Variants in KAZN observed in about 807,000 individuals in gnomAD.
KAZN encodes the protein kazrin.
In KAZN, 40 loss-of-function variants were observed where a neutral mutation model predicts 87.4. The observed-to-expected ratio is 0.46, with a 90% CI of 0.36 to 0.60. The LOEUF is 0.60. Ranked by LOEUF, KAZN falls within the 20% of genes least tolerant of loss-of-function variation. The pLI, the probability that KAZN is intolerant of heterozygous loss-of-function variation, is 0.00. For missense variants in KAZN, 898 were observed against 1,073.9 expected (o/e 0.84, Z 2.29); for synonymous variants, 466 against 458.3 (o/e 1.02, Z -0.22).
chr1:14,627,350 G>A (rs1364047142), intron 1 of KAZN, among the ~76,000 whole-genome samples: 1 of 152,058 alleles, frequency 6.6e-6, no homozygotes, highest in Non-Finnish European at 1.5e-5. Context: ...CTGGGGCCCA[G>A]CAAGTCGCCC....
At chr1:14,222,796 A>G (rs1571061259) in intron 2 of KAZN, among the ~76,000 whole-genome samples, 1 of 152,202 alleles carries the variant, frequency 6.6e-6, no homozygotes, top group African/African-American at 2.4e-5. Flanking sequence ...CTTTGAATCT[A>G]CAAAGGTCAT....
intron 10 of KAZN, among the ~76,000 whole-genome samples, chr1:15,098,790 G>A (rs533416180): frequency 1.3e-5 from 2 of 152,354 alleles, no homozygotes; most frequent in South Asian, 4.1e-4. Context: ...AGGTGGACTG[G>A]GGCAGATGAC....
chr1:14,433,293 C>T (rs758838565), intron 2 of KAZN, among the ~76,000 whole-genome samples: 2 of 152,266 alleles, frequency 1.3e-5, no homozygotes, highest in South Asian at 2.1e-4. Flanking sequence ...GCTTCTACCA[C>T]CATAGATTAG....
intron 1 of KAZN, among the ~76,000 whole-genome samples, chr1:14,754,522 A>G (rs1262417118): frequency 6.6e-6 from 1 of 151,974 alleles, no homozygotes; most frequent in African/African-American, 2.4e-5. Flanking sequence ...AACCCCAGCT[A>G]CTTGGGAGGC....
At chr1:15,001,113 A>G (rs1257443111) in intron 2 of KAZN, among the ~76,000 whole-genome samples, 4 of 152,008 alleles carry the variant, frequency 2.6e-5, no homozygotes, top group South Asian at 4.1e-4. Context: ...TAAAAAATAA[A>G]TAAAAATCCC....
At chr1:14,962,977 G>T (rs1301174701) in intron 2 of KAZN, among the ~76,000 whole-genome samples, 1 of 152,108 alleles carries the variant, frequency 6.6e-6, no homozygotes, top group African/African-American at 2.4e-5. Context: ...TGAGTGATTG[G>T]ACATTAACAG....
chr1:14,696,569 C>T (rs1266893447), intron 1 of KAZN, among the ~76,000 whole-genome samples: 1 of 152,184 alleles, frequency 6.6e-6, no homozygotes, highest in African/African-American at 2.4e-5. Context: ...TGTTTCCTGC[C>T]TATTGCATCC....
chr1:14,426,034 C>G (rs952806886), intron 2 of KAZN, among the ~76,000 whole-genome samples: 2 of 152,246 alleles, frequency 1.3e-5, no homozygotes, highest in African/African-American at 4.8e-5. Flanking sequence ...ACTCAGCTTA[C>G]TCAGAGTAAA....
chr1:14,219,829 G>A (rs925841738), intron 2 of KAZN, among the ~76,000 whole-genome samples: 14 of 152,096 alleles, frequency 9.2e-5, no homozygotes, highest in African/African-American at 3.1e-4. Flanking sequence ...CACATTAAAG[G>A]AATATTTAGA....
intron 1 of KAZN, among the ~76,000 whole-genome samples, chr1:14,727,375 A>G (rs917795033): frequency 2.8e-5 from 4 of 143,734 alleles, no homozygotes; most frequent in African/African-American, 1.0e-4. Flanking sequence ...ATTGAAGACA[A>G]TTTTTCCATG....
intron 1 of KAZN, among the ~76,000 whole-genome samples, chr1:13,917,294 A>G (rs72639062): frequency 0.036 from 5,433 of 152,328 alleles, 125 homozygotes; most frequent in Non-Finnish European, 0.053. Flanking sequence ...TGGCTACCCT[A>G]CACAATAGAT....
chr1:14,987,983 G>T (rs921230753), intron 2 of KAZN, among the ~76,000 whole-genome samples: 1 of 152,206 alleles, frequency 6.6e-6, no homozygotes, highest in African/African-American at 2.4e-5. Context: ...TTGAGCACCA[G>T]GTGCAAGTGA....
intron 1 of KAZN, among the ~76,000 whole-genome samples, chr1:14,012,166 A>G (rs1360533685): frequency 1.3e-5 from 2 of 152,282 alleles, no homozygotes; most frequent in South Asian, 2.1e-4. Context: ...GAATGTAACT[A>G]CATGTAAATC....
chr1:14,101,777 C>A (rs1317068366), intron 1 of KAZN, among the ~76,000 whole-genome samples: 1 of 152,176 alleles, frequency 6.6e-6, no homozygotes, highest in East Asian at 1.9e-4. Flanking sequence ...TACTTGAGGT[C>A]AGTTTTTTCT....
intron 2 of KAZN, among the ~76,000 whole-genome samples, chr1:14,533,065 C>T (rs1413219853): frequency 2.0e-5 from 3 of 152,160 alleles, no homozygotes; most frequent in Non-Finnish European, 4.4e-5. Flanking sequence ...CACAGAAAAA[C>T]ATGTGTTTTT....
intron 2 of KAZN, among the ~76,000 whole-genome samples, chr1:14,993,326 G>A (rs990481151): frequency 4.0e-5 from 6 of 151,708 alleles, no homozygotes; most frequent in African/African-American, 7.3e-5. Flanking sequence ...AAAATTAGCC[G>A]GGCGTGGTGG....
chr1:14,418,365 T>G (rs1478927643), intron 2 of KAZN, among the ~76,000 whole-genome samples: 1 of 152,110 alleles, frequency 6.6e-6, no homozygotes, highest in Admixed American at 6.6e-5. Context: ...AAGGAGATAA[T>G]ATGCATAAAG....
chr1:14,762,750 G>A (rs1226093317), intron 1 of KAZN, among the ~76,000 whole-genome samples: 2 of 151,650 alleles, frequency 1.3e-5, no homozygotes, highest in Non-Finnish European at 2.9e-5. Context: ...AAGAAGAAGA[G>A]AAGCAACTAA....
chr1:15,088,536 G>A lies in KAZN; in HGVS notation c.1223-5644G>A, dbSNP rs555845565. Among the ~76,000 whole-genome samples the A allele has an allele frequency of 4.6e-5, 7 of 152,270 alleles. No individual in the cohort carries two copies. The East Asian group carries it at 1.4e-3, about 29-fold the overall frequency. On this transcript the variant is annotated intron_variant, in intron 8 of 14. Coordinates refer to ENST00000376030, the MANE Select transcript of KAZN (RefSeq NM_201628.3). ...CACCAGGGACTCAGCCAGCACCCGCGACTCGGCAGCCCCTCCGCTGAGCAG... is the reference window on the plus strand; with the variant it reads ...CACCAGGGACTCAGCCAGCACCCGCAACTCGGCAGCCCCTCCGCTGAGCAG...
Sources: allele counts gnomAD v4.1 joint callset (sites outside exome capture counted in the v4.1 genomes callset), GRCh38; gene constraint gnomAD v4.1.1; transcripts MANE v1.5; gene names NCBI Gene and HGNC (gene_info 2026-07-23, HGNC 2026-07-21).